Variants in SPTA1 observed in about 807,000 individuals in gnomAD.
The protein encoded by SPTA1 is spectrin alpha chain, erythrocytic 1.
SPTA1 carries 177 observed loss-of-function variants against 324.7 expected under a neutral mutation model. The observed-to-expected ratio is 0.55, with a 90% confidence interval of 0.48 to 0.62. The LOEUF (loss-of-function observed/expected upper bound fraction) is 0.62. Ranked by LOEUF, SPTA1 falls within the 20% of genes least tolerant of loss-of-function variation. The probability of loss-of-function intolerance (pLI) is 0.00; values close to 1 mark genes in which losing one functional copy is unlikely to be tolerated. For missense variants in SPTA1, 3,162 were observed against 2,883.6 expected (o/e 1.10, Z -2.21); for synonymous variants, 1,195 against 1,041.3 (o/e 1.15, Z -2.84).
intron 43 of SPTA1, among the ~76,000 whole-genome samples, chr1:158,622,432 TA>T (rs1649976316): frequency 6.6e-6 from 1 of 152,180 alleles, no homozygotes; most frequent in Non-Finnish European, 1.5e-5. Context: ...TGTAATAATG[TA>T]ATAATATGGA....
intron 4 of SPTA1, among the ~76,000 whole-genome samples, chr1:158,681,225 A>G (rs995324565): frequency 6.6e-6 from 1 of 152,158 alleles, no homozygotes; most frequent in Non-Finnish European, 1.5e-5. Flanking sequence ...GAGCAAAAAC[A>G]TAGGAGAAGG....
chr1:158,655,593 G>A (rs899684725), intron 20 of SPTA1, among the ~76,000 whole-genome samples: 4 of 152,100 alleles, frequency 2.6e-5, no homozygotes, highest in African/African-American at 9.7e-5. Context: ...GCACAGTATA[G>A]GAGGTCTGTA....
chr1:158,612,792 G>C, intron 51 of SPTA1, 25 bp downstream of exon 51: 1 of 1,613,370 alleles, frequency 6.2e-7, no homozygotes, highest in Non-Finnish European at 8.5e-7. Context: ...TGACAGTGTA[G>C]TAGGGGAAGC....
chr1:158,682,447 C>T (rs769542369), intron 3 of SPTA1, among the ~76,000 whole-genome samples: 1 of 152,116 alleles, frequency 6.6e-6, no homozygotes, highest in Non-Finnish European at 1.5e-5. Flanking sequence ...CAAAACTGTG[C>T]ATAATACAAA....
chr1:158,675,951 A>G (rs184006675), intron 8 of SPTA1, among the ~76,000 whole-genome samples, 190 bp downstream of exon 8: 281 of 152,302 alleles, frequency 1.8e-3, no homozygotes, highest in South Asian at 3.1e-3. Flanking sequence ...AACCACAGAT[A>G]AGGGGGTGCT....
chr1:158,611,829 C>G (rs1649277892), intron 51 of SPTA1: 1 of 183,082 alleles, frequency 5.5e-6, no homozygotes, highest in Non-Finnish European at 1.1e-5. Flanking sequence ...GGACTTGAAC[C>G]TATGATCCTC....
At chr1:158,636,559 T>C (rs1010643014) in intron 37 of SPTA1, 82 bp downstream of exon 37, 5 of 1,519,988 alleles carry the variant, frequency 3.3e-6, no homozygotes, top group African/African-American at 2.7e-5. Flanking sequence ...TCACGTTTTG[T>C]AGCACCCTCT....
chr1:158,629,133 AGAT>A (rs1368399199), intron 39 of SPTA1, among the ~76,000 whole-genome samples: 4 of 134,414 alleles, frequency 3.0e-5, no homozygotes, highest in African/African-American at 9.1e-5. Flanking sequence ...ATAGATAGAT[AGAT>A]GATAGATAGA....
intron 26 of SPTA1, among the ~76,000 whole-genome samples, 191 bp from the exon 27 acceptor site, chr1:158,647,911 A>G (rs780403834): frequency 1.3e-5 from 2 of 152,184 alleles, no homozygotes; most frequent in Non-Finnish European, 2.9e-5. Context: ...AATTGGCATT[A>G]CCATACTTCT....
intron 42 of SPTA1, among the ~76,000 whole-genome samples, chr1:158,625,177 C>T (rs1428272488): frequency 1.3e-5 from 2 of 151,626 alleles, no homozygotes; most frequent in African/African-American, 4.9e-5. Flanking sequence ...TTCAAAAAAC[C>T]CTAAAAAGTG....
At position 158,627,643 on chromosome 1, in the gene SPTA1, T is replaced by C; in HGVS notation, c.5646A>G (p.Gly1882=). The change falls in exon 40 of 52, where the codon GGA becomes GGG. Residue 1882 remains glycine, a synonymous_variant. Coordinates refer to ENST00000643759, the MANE Select transcript of SPTA1 (RefSeq NM_003126.4). The stretch of plus-strand genomic sequence containing the variant: ...AGCTCACCTTATTTAGGATGTCTTC[T>C]CCTTGTGCACACACATTTTGTACTC... ...ETRVQNVCAQ[G]EDILNKVLQE... is the part of the protein sequence containing the mutation. 2 of 1,613,438 alleles carry C rather than the reference T, an allele frequency of 1.2e-6. No homozygotes were observed. Among genetic ancestry groups the C allele is most frequent in the South Asian group, 2.2e-5 (2 of 91,078 alleles).
Position 158,686,671 on chromosome 1 carries a change from G to T in SPTA1, c.-154C>A. 4.7e-6 allele frequency: 3 copies of T among 642,654 alleles called. No individual in the cohort carries two copies. The highest frequency in any genetic ancestry group is 8.3e-6 in the Non-Finnish European group (3 of 363,064). 39.8% of individuals were successfully genotyped at this position (642,654 alleles called of 1,614,324 possible). On this transcript the variant is annotated 5_prime_UTR_variant, in exon 1 of 52. Transcript: ENST00000643759. ...AAAAAAAACCTCTTGCTTGGTCCTA[G>T]AATCCCATCAGCCATACACAATCGA...
At chr1:158,649,090 G>A (rs757775099) in intron 25 of SPTA1, among the ~76,000 whole-genome samples, 1 of 152,110 alleles carries the variant, frequency 6.6e-6, no homozygotes, top group Non-Finnish European at 1.5e-5. Context: ...TATACACAAT[G>A]AAGGTGTTTA....
chr1:158,638,545 C>T lies in SPTA1; in HGVS notation c.4981-304G>A, dbSNP rs142219953. Among the ~76,000 whole-genome samples, 18 of 152,040 alleles carry T rather than the reference C, an allele frequency of 1.2e-4. No individual in the cohort carries two copies. In the East Asian group the frequency reaches 1.7e-3, roughly 15 times the overall value. ...ACTAAAAAAGAAAACCAGCAAGGTG[C>T]GGTGGCTCATGCCTGTAATCCCAGC... is the stretch of plus-strand genomic sequence containing the variant. On this transcript the variant is annotated intron_variant, in intron 35 of 51. Transcript: ENST00000643759.
chr1:158,682,335 C>A (rs1295226037), intron 3 of SPTA1, among the ~76,000 whole-genome samples: 1 of 152,142 alleles, frequency 6.6e-6, no homozygotes, highest in Non-Finnish European at 1.5e-5. Context: ...TCGTTAAACC[C>A]CGCAATGGTA....
intron 10 of SPTA1, among the ~76,000 whole-genome samples, chr1:158,672,543 A>G (rs932305521): frequency 9.2e-5 from 14 of 152,216 alleles, no homozygotes; most frequent in African/African-American, 3.4e-4. Flanking sequence ...TGAACTGCAA[A>G]TAATTTTTAG....
Position 158,674,352 on chromosome 1 carries a change from C to A in SPTA1, c.1327G>T (p.Ala443Ser). 6.2e-7 allele frequency: 1 copy of A among 1,614,086 alleles called. No individual in the cohort carries two copies. The highest frequency in any genetic ancestry group is 8.5e-7 in the Non-Finnish European group (1 of 1,179,960). The change falls in exon 10 of 52, where the codon GCC becomes TCC. Residue 443 changes from alanine to serine, a missense_variant. By Grantham distance (99) the Ala-to-Ser change is moderately conservative (BLOSUM62 1). Coordinates refer to ENST00000643759, the MANE Select transcript of SPTA1 (RefSeq NM_003126.4). The stretch of plus-strand genomic sequence containing the variant: ...ACCTTTTCCCGAACTTCATCAGAGG[C>A]TTCATGATTGGCATTCACGAGGTCT... ...GQDLVNANHE[A>S]SDEVREKMEI... is the part of the protein sequence containing the mutation.
chr1:158,680,480 C>G (rs777322789), intron 5 of SPTA1, 103 bp downstream of exon 5: 22 of 1,537,662 alleles, frequency 1.4e-5, no homozygotes, highest in Non-Finnish European at 1.9e-5. Flanking sequence ...CCTCTGTTTT[C>G]TCACAATGCC....
chr1:158,662,823 TG>T lies in SPTA1; in HGVS notation c.2342del (p.Pro781HisfsTer10). The T allele has an allele frequency of 6.2e-7, 1 of 1,614,100 alleles. No homozygotes were observed. Among genetic ancestry groups the T allele is most frequent in the Non-Finnish European group, 8.5e-7 (1 of 1,179,978 alleles). The part of the protein sequence containing the change: ...LVCRFEALKE[P>X]LATRKKKLLD... ...AGAGCTTCTTCTTTCGGGTGGCCAGTGGCTCTTTCAGAGCTTCAAATCGGCA... is the reference window on the plus strand; with the variant it reads ...AGAGCTTCTTCTTTCGGGTGGCCAGTGCTCTTTCAGAGCTTCAAATCGGCA... On this transcript the variant is annotated frameshift_variant, in exon 17 of 52. Coordinates refer to ENST00000643759, the MANE Select transcript of SPTA1 (RefSeq NM_003126.4). LOFTEE classifies it high-confidence loss of function.
Sources: gnomAD v4.1 joint callset for allele counts (sites outside exome capture counted in the v4.1 genomes callset) on GRCh38, gnomAD v4.1.1 for gene constraint, MANE v1.5 for transcripts, NCBI Gene and HGNC (gene_info 2026-07-23, HGNC 2026-07-21) for gene names.